Variants in KSR2 observed in about 807,000 individuals in gnomAD.
KSR2 encodes the protein kinase suppressor of ras 2.
KSR2 carries 25 observed loss-of-function variants against 107.8 expected under a neutral mutation model. The observed-to-expected ratio is 0.23, with a 90% confidence interval of 0.17 to 0.32. The LOEUF (loss-of-function observed/expected upper bound fraction) is 0.32, where lower values mean the gene tolerates loss of function less well. Ranked by LOEUF, KSR2 falls within the 10% of genes least tolerant of loss-of-function variation. The probability of loss-of-function intolerance (pLI) is 1.00; values close to 1 mark genes in which losing one functional copy is unlikely to be tolerated. For missense variants in KSR2, 887 were observed against 1,268.9 expected (o/e 0.70, Z 4.57); for synonymous variants, 480 against 507.0 (o/e 0.95, Z 0.71).
chr12:117,628,723 C>A (rs1353496677), intron 5 of KSR2, among the ~76,000 whole-genome samples: 3 of 152,252 alleles, frequency 2.0e-5, no homozygotes, highest in Non-Finnish European at 4.4e-5. Context: ...GGGAGAACCA[C>A]CGCTCTCTTC....
At chr12:117,778,587 C>T (rs1329318453) in intron 3 of KSR2, among the ~76,000 whole-genome samples, 2 of 152,186 alleles carry the variant, frequency 1.3e-5, no homozygotes, top group South Asian at 2.1e-4. Context: ...GGTGGAAGGT[C>T]GTCCTTATCT....
At chr12:117,670,515 C>T (rs1593113631) in intron 4 of KSR2, among the ~76,000 whole-genome samples, 1 of 152,190 alleles carries the variant, frequency 6.6e-6, no homozygotes, top group South Asian at 2.1e-4. Flanking sequence ...CAGTCCCAAC[C>T]CTACATCATC....
chr12:117,488,461 G>T (rs1288665748), intron 14 of KSR2, among the ~76,000 whole-genome samples: 1 of 152,180 alleles, frequency 6.6e-6, no homozygotes, highest in East Asian at 1.9e-4. Context: ...ATCCCAACGT[G>T]ATGGTATTAG....
intron 5 of KSR2, among the ~76,000 whole-genome samples, chr12:117,651,548 C>G (rs1029151636): frequency 6.6e-6 from 1 of 152,170 alleles, no homozygotes; most frequent in African/African-American, 2.4e-5. Context: ...TAAGTAGGGA[C>G]TCTGCATTTA....
rs377494868 is a variant in KSR2 at position 117,860,434 on chromosome 12, G to A, written c.181-3C>T. ...CTGAAGTACTTCACCAGCTTGCTCT[G>A]TGGAGACACAGACGAGGACAGAGGA... On this transcript the variant is annotated splice_polypyrimidine_tract_variant and splice_region_variant and intron_variant, in intron 1 of 19. Coordinates refer to ENST00000339824, the MANE Select transcript of KSR2 (RefSeq NM_173598.6). 21 of 1,605,334 alleles carry A rather than the reference G, an allele frequency of 1.3e-5. No homozygotes were observed. Among genetic ancestry groups the A allele is most frequent in the African/African-American group, 5.3e-5 (4 of 74,830 alleles).
At chr12:117,538,464 T>A (rs536378849) in intron 10 of KSR2, among the ~76,000 whole-genome samples, 1 of 152,162 alleles carries the variant, frequency 6.6e-6, no homozygotes, top group East Asian at 1.9e-4. Flanking sequence ...AGGTGTGGGG[T>A]GGGGCCTCTG....
intron 3 of KSR2, among the ~76,000 whole-genome samples, chr12:117,767,962 C>T (rs1367220079): frequency 6.6e-6 from 1 of 152,044 alleles, no homozygotes; most frequent in Non-Finnish European, 1.5e-5. Context: ...CTCCTGGAGA[C>T]CTGCTGCAGC....
intron 4 of KSR2, among the ~76,000 whole-genome samples, chr12:117,698,988 G>A (rs1186958472): frequency 6.6e-6 from 1 of 152,148 alleles, no homozygotes; most frequent in Non-Finnish European, 1.5e-5. Context: ...TCATCAGAGA[G>A]GCCATCCCGT....
At chr12:117,730,427 C>T (rs920224612) in intron 4 of KSR2, among the ~76,000 whole-genome samples, 1 of 151,514 alleles carries the variant, frequency 6.6e-6, no homozygotes, top group Non-Finnish European at 1.5e-5. Flanking sequence ...AATCCCTCTC[C>T]CTCTCCCTCT....
intron 3 of KSR2, among the ~76,000 whole-genome samples, chr12:117,837,348 A>G (rs1378143122): frequency 1.3e-5 from 2 of 152,150 alleles, no homozygotes; most frequent in Admixed American, 1.3e-4. Flanking sequence ...CTACATTACT[A>G]TGCATCTTGT....
At position 117,606,595 on chromosome 12, in the gene KSR2, TCTTTCCTCCTTCCTTCCTTCCTC is replaced by T. The variant is rs1210608591; in HGVS notation, c.1172-24259_1172-24237del. 1.2e-3 allele frequency among the ~76,000 whole-genome samples: 23 copies of T among 18,532 alleles called. 1 individual carries two copies. Among genetic ancestry groups the T allele is most frequent in the African/African-American group, 6.6e-3 (23 of 3,486 alleles). The allele number at this position is 18,532 out of a possible 152,430, so 12.2% of individuals were successfully genotyped here. A position where few individuals can be genotyped will look rare whatever the true frequency, so the allele number is the denominator to read the frequency against. ...TTCCTCCCTTCCCTTCTTCCTTCCT[TCTTTCCTCCTTCCTTCCTTCCTC>T]CCTCCCTTTCTTCCCTACTTCTTTC... On this transcript the variant is annotated intron_variant, in intron 5 of 19. Coordinates refer to ENST00000339824, the MANE Select transcript of KSR2 (RefSeq NM_173598.6).
chr12:117,502,444 A>G (rs1346684441), intron 14 of KSR2, among the ~76,000 whole-genome samples: 1 of 152,160 alleles, frequency 6.6e-6, no homozygotes, highest in East Asian at 1.9e-4. Flanking sequence ...CAATAAGAAA[A>G]TCAATTATTT....
chr12:117,842,171 T>C lies in KSR2; in HGVS notation c.472+13257A>G, dbSNP rs148817421. On this transcript the variant is annotated intron_variant, in intron 3 of 19. Coordinates refer to ENST00000339824, the MANE Select transcript of KSR2 (RefSeq NM_173598.6). The surrounding 1 kb of genome is among the most constrained non-coding windows in gnomAD (Gnocchi z 4.2). ...CCCTCTGGGGGATTCTGATACATGT[T>C]GAGGTTTTGAGCACCACTGTTCTTG... 1.3e-5 allele frequency among the ~76,000 whole-genome samples: 2 copies of C among 152,228 alleles called. No homozygotes were observed. The highest frequency in any genetic ancestry group is 4.8e-5 in the African/African-American group (2 of 41,460).
chr12:117,958,592 G>A lies in KSR2; in HGVS notation c.180+9484C>T, dbSNP rs149975241. 2.6e-3 allele frequency among the ~76,000 whole-genome samples: 399 copies of A among 152,248 alleles called. 2 individuals carry two copies. Among genetic ancestry groups the A allele is most frequent in the African/African-American group, 9.0e-3 (375 of 41,554 alleles). ...TCCCAGCAATTTGGGAGGCCTAGGC[G>A]GGCAGATCACTTGAGATGAGGAGTT... On this transcript the variant is annotated intron_variant, in intron 1 of 19. Coordinates refer to ENST00000339824, the MANE Select transcript of KSR2 (RefSeq NM_173598.6).
intron 1 of KSR2, among the ~76,000 whole-genome samples, chr12:117,943,459 T>A (rs1183074331): frequency 7.6e-6 from 1 of 131,726 alleles, no homozygotes; most frequent in Non-Finnish European, 1.5e-5. Flanking sequence ...ATTAGTTTGC[T>A]GTAGAGAACA....
chr12:117,651,514 C>T (rs11833190), intron 5 of KSR2, among the ~76,000 whole-genome samples: 1,755 of 152,250 alleles, frequency 0.012, 40 homozygotes, highest in African/African-American at 0.041. Context: ...TTGGATCAGG[C>T]TGAATTTATT....
intron 3 of KSR2, among the ~76,000 whole-genome samples, chr12:117,784,938 C>T (rs12303276): frequency 0.089 from 13,598 of 152,140 alleles, 698 homozygotes; most frequent in African/African-American, 0.11. Flanking sequence ...AAGACAGCAC[C>T]GACAGTCTGA....
chr12:117,580,260 A>C (rs1879561072), intron 6 of KSR2, among the ~76,000 whole-genome samples: 1 of 152,206 alleles, frequency 6.6e-6, no homozygotes, highest in Admixed American at 6.5e-5. Context: ...GAGCAAAGAC[A>C]CTTACTGCCA....
At position 117,471,418 on chromosome 12, in the gene KSR2, C is replaced by T. The variant is rs1203644486; in HGVS notation, c.2583-98G>A. On this transcript the variant is annotated intron_variant, in intron 17 of 19. Coordinates refer to ENST00000339824, the MANE Select transcript of KSR2 (RefSeq NM_173598.6). Reference sequence around the variant, plus strand: ...CACACCCACCCAGCCAGTCTCCTGGCACCCATTCTTCTCCCCACTTTCTTC... The same window carrying T: ...CACACCCACCCAGCCAGTCTCCTGGTACCCATTCTTCTCCCCACTTTCTTC... 4.5e-6 allele frequency: 6 copies of T among 1,342,650 alleles called. No homozygotes were observed. In the African/African-American group the frequency reaches 5.8e-5, roughly 13 times the overall value. 83.2% of individuals were successfully genotyped at this position (1,342,650 alleles called of 1,614,324 possible). A position where few individuals can be genotyped will look rare whatever the true frequency, so the allele number is the denominator to read the frequency against.
Sources: allele counts gnomAD v4.1 joint callset (sites outside exome capture counted in the v4.1 genomes callset), GRCh38; gene constraint gnomAD v4.1.1; non-coding constraint Gnocchi (gnomAD v3.1); transcripts MANE v1.5; gene names NCBI Gene and HGNC (gene_info 2026-07-23, HGNC 2026-07-21).